Variants in OR1J2 observed in about 807,000 individuals in gnomAD.
OR1J2 encodes olfactory receptor 1J2.
For missense variants in OR1J2, 304 were observed against 246.1 expected (o/e 1.24, Z -1.57); for synonymous variants, 142 against 99.7 (o/e 1.42, Z -2.52).
chr9:122,482,248 G>T, the OR1J2 span, among the ~76,000 whole-genome samples: 2 of 152,046 alleles, frequency 1.3e-5, no homozygotes, highest in African/African-American at 4.8e-5. Context: ...ACATACAAAT[G>T]GCCAATAGGT....
chr9:122,574,808 T>C, the OR1J2 span, among the ~76,000 whole-genome samples: 3 of 152,260 alleles, frequency 2.0e-5, no homozygotes, highest in Non-Finnish European at 1.5e-5. Flanking sequence ...CCATCATGTA[T>C]AATGTTAGTT....
At chr9:122,478,949 C>T in the OR1J2 span, among the ~76,000 whole-genome samples, 4 of 151,942 alleles carry the variant, frequency 2.6e-5, no homozygotes, top group East Asian at 1.9e-4. Flanking sequence ...AGGCTGGTCT[C>T]GAACTCCTGA....
chr9:122,510,167 A>C (rs1828605676), upstream of OR1J2, among the ~76,000 whole-genome samples: 1 of 152,158 alleles, frequency 6.6e-6, no homozygotes, highest in African/African-American at 2.4e-5. Flanking sequence ...ACTATTCTTT[A>C]CATACTTTTA....
the OR1J2 span, among the ~76,000 whole-genome samples, chr9:122,449,179 T>C: frequency 1.3e-5 from 2 of 152,100 alleles, no homozygotes; most frequent in Non-Finnish European, 2.9e-5. Flanking sequence ...CACTATGCAC[T>C]GCAACAGCAC....
At chr9:122,529,742 G>A in the OR1J2 span, among the ~76,000 whole-genome samples, 88,311 of 152,014 alleles carry the variant, frequency 0.58, 27,588 homozygotes, top group East Asian at 0.87. Flanking sequence ...TCTGTCATCC[G>A]AGGGTGATGA....
the OR1J2 span, among the ~76,000 whole-genome samples, chr9:122,489,280 AATATAT>A: frequency 6.7e-6 from 1 of 149,586 alleles, no homozygotes; most frequent in Non-Finnish European, 1.5e-5. Context: ...TCCATATATA[AATATAT>A]ATATATATAT....
chr9:122,551,465 C>T, the OR1J2 span, among the ~76,000 whole-genome samples: 48 of 152,232 alleles, frequency 3.2e-4, no homozygotes, highest in African/African-American at 1.0e-3. Flanking sequence ...TTAAGGAAAT[C>T]GCCAGCAGAA....
At chr9:122,536,556 G>T in the OR1J2 span, among the ~76,000 whole-genome samples, 1 of 152,200 alleles carries the variant, frequency 6.6e-6, no homozygotes, top group South Asian at 2.1e-4. Flanking sequence ...ACTTTAGATA[G>T]ATATCTTCCC....
the OR1J2 span, among the ~76,000 whole-genome samples, chr9:122,526,144 T>C: frequency 0.14 from 21,790 of 152,206 alleles, 1,782 homozygotes; most frequent in East Asian, 0.26. Flanking sequence ...ACTACTATAC[T>C]GAATGCATTT....
the OR1J2 span, among the ~76,000 whole-genome samples, chr9:122,559,828 G>C: frequency 6.6e-6 from 1 of 151,938 alleles, no homozygotes; most frequent in South Asian, 2.1e-4. Flanking sequence ...TCTGAGTTCT[G>C]TCGACGTTTA....
the OR1J2 span, among the ~76,000 whole-genome samples, chr9:122,454,247 G>A: frequency 6.6e-6 from 1 of 152,234 alleles, no homozygotes; most frequent in Non-Finnish European, 1.5e-5. Context: ...GCCGGGTGCA[G>A]TGGCTCACGC....
the OR1J2 span, among the ~76,000 whole-genome samples, chr9:122,539,364 G>A: frequency 6.6e-6 from 1 of 152,024 alleles, no homozygotes; most frequent in South Asian, 2.1e-4. Context: ...AACATGCGGT[G>A]TTTGGTTTTT....
chr9:122,453,571 A>T, the OR1J2 span, among the ~76,000 whole-genome samples: 1 of 152,226 alleles, frequency 6.6e-6, no homozygotes, highest in African/African-American at 2.4e-5. Context: ...TTGTAGGGTT[A>T]TCATACTCAG....
At chr9:122,450,098 A>T in the OR1J2 span, among the ~76,000 whole-genome samples, 20 of 152,180 alleles carry the variant, frequency 1.3e-4, no homozygotes, top group Admixed American at 2.0e-4. Context: ...AAATCAAGCT[A>T]ATTACCATAT....
the OR1J2 span, among the ~76,000 whole-genome samples, chr9:122,579,325 G>A: frequency 6.6e-6 from 1 of 151,994 alleles, no homozygotes; most frequent in African/African-American, 2.4e-5. Flanking sequence ...TGAATACATT[G>A]TAATTGAATT....
At chr9:122,519,771 C>T in the OR1J2 span, 2 of 1,614,230 alleles carry the variant, frequency 1.2e-6, no homozygotes, top group Non-Finnish European at 1.7e-6. Context: ...TACTCTACCA[C>T]TAATATGCAT....
chr9:122,527,309 G>A, the OR1J2 span: 1 of 1,523,676 alleles, frequency 6.6e-7, no homozygotes, highest in South Asian at 1.2e-5. Context: ...TGCAGCATCT[G>A]GAGCTGAGGG....
the OR1J2 span, among the ~76,000 whole-genome samples, chr9:122,503,222 G>A: frequency 1.3e-5 from 2 of 152,186 alleles, no homozygotes; most frequent in African/African-American, 4.8e-5. Context: ...ATGGCGGAGG[G>A]AAAGGAAAAT....
At chr9:122,463,663 C>T in the OR1J2 span, among the ~76,000 whole-genome samples, 1 of 152,164 alleles carries the variant, frequency 6.6e-6, no homozygotes, top group Non-Finnish European at 1.5e-5. Flanking sequence ...GATAGAGCCT[C>T]CTGAGAGCCA....
Sources: allele counts gnomAD v4.1 joint callset (sites outside exome capture counted in the v4.1 genomes callset), GRCh38; gene constraint gnomAD v4.1.1; transcripts MANE v1.5; gene names NCBI Gene and HGNC (gene_info 2026-07-23, HGNC 2026-07-21).